The following TEC variants were observed in gnomAD, a reference collection of about 807,000 sequenced individuals.
TEC encodes tyrosine-protein kinase Tec.
TEC carries 72 observed loss-of-function variants against 93.0 expected under a neutral mutation model. The observed-to-expected ratio is 0.77, with a 90% CI of 0.64 to 0.94. The LOEUF (loss-of-function observed/expected upper bound fraction) is 0.94, where lower values mean the gene tolerates loss of function less well. Among genes scored for constraint, TEC ranks in the 40% least tolerant of loss-of-function variants. The probability of loss-of-function intolerance (pLI) is 0.00; values close to 1 mark genes in which losing one functional copy is unlikely to be tolerated. For synonymous variants in TEC, 249 were observed against 247.7 expected (o/e 1.01, Z -0.05); for missense variants, 630 against 757.9 (o/e 0.83, Z 1.98).
chr4:48,212,697 CCAATGT>C (rs1012086237), intron 2 of TEC, among the ~76,000 whole-genome samples: 65 of 152,228 alleles, frequency 4.3e-4, no homozygotes, highest in African/African-American at 1.5e-3. Context: ...ACTTGGAAAC[CCAATGT>C]CCAGTGAAGT....
chr4:48,170,216 C>T (rs1288326279), intron 5 of TEC, 32 bp downstream of exon 5: 11 of 1,527,232 alleles, frequency 7.2e-6, no homozygotes, highest in Non-Finnish European at 9.9e-6. Context: ...ATTCTAAGCA[C>T]AATATAATTA....
chr4:48,219,450 G>A (rs1215937929), intron 2 of TEC, among the ~76,000 whole-genome samples: 3 of 152,210 alleles, frequency 2.0e-5, no homozygotes, highest in African/African-American at 7.2e-5. Flanking sequence ...GTGGTGCTGT[G>A]CTTCAATGGT....
In TEC at chr4:48,212,098, C is replaced by CAAAAAAAAAA. The variant is rs59441112; in HGVS notation, c.138+16369_138+16378dup. Among the ~76,000 whole-genome samples, 78 of 86,478 alleles carry CAAAAAAAAAA rather than the reference C, an allele frequency of 9.0e-4. No individual in the cohort carries two copies. In the East Asian group the frequency reaches 0.017, roughly 19 times the overall value. The allele number at this position is 86,478 out of a possible 152,430, so 56.7% of individuals were successfully genotyped here. A position where few individuals can be genotyped will look rare whatever the true frequency, so the allele number is the denominator to read the frequency against. The stretch of plus-strand genomic sequence containing the variant: ...TGGGTGACAGAGTGAGACTCTGTCT[C>CAAAAAAAAAA]AAAAAAAAAAAAATATATATATATA... On this transcript the variant is annotated intron_variant, in intron 2 of 17. Coordinates refer to ENST00000381501, the MANE Select transcript of TEC (RefSeq NM_003215.3).
Position 48,185,678 on chromosome 4 carries a change from T to C in TEC, c.139-9492A>G, listed in dbSNP as rs553606561. ...ATATATATATAAGCATGGCATAATATATACATAAGCATGGCATAATTTTAA... is the reference window on the plus strand; with the variant it reads ...ATATATATATAAGCATGGCATAATACATACATAAGCATGGCATAATTTTAA... On this transcript the variant is annotated intron_variant, in intron 2 of 17. Coordinates refer to ENST00000381501, the MANE Select transcript of TEC (RefSeq NM_003215.3). Among the ~76,000 whole-genome samples the C allele has an allele frequency of 1.1e-4, 17 of 152,338 alleles. 1 individual carries two copies. The South Asian group carries it at 2.3e-3, about 20-fold the overall frequency.
intron 1 of TEC, among the ~76,000 whole-genome samples, chr4:48,243,173 G>A (rs1208669954): frequency 1.3e-5 from 2 of 150,376 alleles, no homozygotes; most frequent in Non-Finnish European, 3.0e-5. Context: ...ACATCATCCC[G>A]AAGATCTTTT....
intron 1 of TEC, among the ~76,000 whole-genome samples, chr4:48,238,057 C>A (rs1044784269): frequency 1.3e-4 from 20 of 152,152 alleles, no homozygotes; most frequent in Admixed American, 3.9e-4. Context: ...CAGCTTAAAG[C>A]CCCAAATTTC....
intron 2 of TEC, among the ~76,000 whole-genome samples, chr4:48,178,397 G>T (rs1447585805): frequency 6.6e-6 from 1 of 152,106 alleles, no homozygotes; most frequent in African/African-American, 2.4e-5. Context: ...TAAGAGAAAA[G>T]TTAAAAAGAC....
At chr4:48,238,270 G>A (rs984955810) in intron 1 of TEC, among the ~76,000 whole-genome samples, 16 of 152,300 alleles carry the variant, frequency 1.1e-4, no homozygotes, top group African/African-American at 2.9e-4. Flanking sequence ...AAAGCACCAT[G>A]TGATAACCTG....
intron 2 of TEC, among the ~76,000 whole-genome samples, chr4:48,185,776 T>C (rs946834713): frequency 2.7e-5 from 4 of 145,612 alleles, no homozygotes; most frequent in Non-Finnish European, 4.5e-5. Flanking sequence ...ATATGAAGGC[T>C]CTCCCTCTCC....
In TEC at chr4:48,247,148, A is replaced by C. The variant is rs1419395315; in HGVS notation, c.-45-18489T>G. Among the ~76,000 whole-genome samples the C allele has an allele frequency of 2.6e-5, 4 of 152,176 alleles. No individual in the cohort carries two copies. In the East Asian group the frequency reaches 7.7e-4, roughly 29 times the overall value. On this transcript the variant is annotated intron_variant, in intron 1 of 17. Transcript: ENST00000381501. ...AGCAAACATATAAAAAAATTTCAACACCATTAGTCACTATGGAAATGCAAA... is the reference window on the plus strand; with the variant it reads ...AGCAAACATATAAAAAAATTTCAACCCCATTAGTCACTATGGAAATGCAAA...
chr4:48,266,675 T>A (rs1367708547), intron 1 of TEC, among the ~76,000 whole-genome samples: 2 of 152,062 alleles, frequency 1.3e-5, no homozygotes, highest in Non-Finnish European at 2.9e-5. Flanking sequence ...CCATCTCTAC[T>A]AGAAATACAA....
At chr4:48,156,460 T>C (rs558556669) in intron 9 of TEC, among the ~76,000 whole-genome samples, 1 of 152,318 alleles carries the variant, frequency 6.6e-6, no homozygotes, top group Non-Finnish European at 1.5e-5. Flanking sequence ...CCACCCATGA[T>C]TACTTCTGTT....
intron 1 of TEC, among the ~76,000 whole-genome samples, chr4:48,259,805 C>A (rs185120714): frequency 2.0e-5 from 3 of 151,944 alleles, no homozygotes; most frequent in Non-Finnish European, 4.4e-5. Context: ...TACATTAATG[C>A]AAAATTCTCT....
At chr4:48,198,077 C>T (rs1349986095) in intron 2 of TEC, among the ~76,000 whole-genome samples, 1 of 152,220 alleles carries the variant, frequency 6.6e-6, no homozygotes, top group East Asian at 1.9e-4. Flanking sequence ...TCCGCCCTTC[C>T]TGTCCAAGAT....
chr4:48,198,914 T>C (rs1335776161), intron 2 of TEC, among the ~76,000 whole-genome samples: 1 of 152,220 alleles, frequency 6.6e-6, no homozygotes, highest in Non-Finnish European at 1.5e-5. Flanking sequence ...AAGGAGATGA[T>C]AAAGAAAGTA....
In TEC at chr4:48,213,881, A is replaced by C. The variant is rs114287114; in HGVS notation, c.138+14596T>G. 7.0e-3 allele frequency among the ~76,000 whole-genome samples: 1,062 copies of C among 152,258 alleles called. 11 individuals are homozygous for C. Among genetic ancestry groups the C allele is most frequent in the African/African-American group, 0.024 (1,000 of 41,548 alleles). ...TAGCAAGACTCTGTCCCTGAAAAAA[A>C]ATTTCTGGGTGTGATCCTCTGACCT... On this transcript the variant is annotated intron_variant, in intron 2 of 17. Transcript: ENST00000381501.
chr4:48,165,038 A>T (rs1214056371), intron 7 of TEC, among the ~76,000 whole-genome samples: 1 of 152,186 alleles, frequency 6.6e-6, no homozygotes. Context: ...AGAAAAGAAA[A>T]GAAAAATGTC....
chr4:48,202,661 C>T (rs1560406743), intron 2 of TEC, among the ~76,000 whole-genome samples: 1 of 152,320 alleles, frequency 6.6e-6, no homozygotes, highest in East Asian at 1.9e-4. Context: ...TTATTTAGTG[C>T]ATGTTGTAGT....
chr4:48,175,576 G>C (rs1043847779), intron 3 of TEC, among the ~76,000 whole-genome samples: 1 of 152,146 alleles, frequency 6.6e-6, no homozygotes, highest in African/African-American at 2.4e-5. Context: ...CTCCTCTTCT[G>C]GAGAGGAGAT....
Sources: gnomAD v4.1 joint callset for allele counts (sites outside exome capture counted in the v4.1 genomes callset) on GRCh38, gnomAD v4.1.1 for gene constraint, MANE v1.5 for transcripts, NCBI Gene and HGNC (gene_info 2026-07-23, HGNC 2026-07-21) for gene names.